The following TMEM132B variants were observed in gnomAD, a reference collection of about 807,000 sequenced individuals.
TMEM132B encodes transmembrane protein 132B.
TMEM132B carries 18 observed loss-of-function variants against 90.8 expected under a neutral mutation model. That is an observed-to-expected ratio of 0.20 (90% CI 0.14 to 0.29). The LOEUF (loss-of-function observed/expected upper bound fraction) is 0.29, where lower values mean the gene tolerates loss of function less well. TMEM132B is among the 10% of genes least tolerant of loss of function. The pLI is 1.00. For missense variants in TMEM132B, 1,096 were observed against 1,326.8 expected (o/e 0.83, Z 2.70); for synonymous variants, 504 against 523.3 (o/e 0.96, Z 0.50).
intron 8 of TMEM132B, among the ~76,000 whole-genome samples, chr12:125,653,302 A>T (rs1886975264): frequency 6.6e-6 from 1 of 152,236 alleles, no homozygotes; most frequent in Admixed American, 6.5e-5. Context: ...TCAAAGTCAA[A>T]TTCTATTGTA....
At position 125,657,394 on chromosome 12, in the gene TMEM132B, CTATT is replaced by C. The variant is rs1315296135; in HGVS notation, c.*2687_*2690del. The C allele has an allele frequency of 4.0e-5, 6 of 151,156 alleles. No homozygotes were observed. The highest frequency in any genetic ancestry group is 7.3e-5 in the African/African-American group (3 of 40,936). 9.4% of individuals were successfully genotyped at this position (151,156 alleles called of 1,614,324 possible). ...GAATACTGAAGAGCCAGACAACAAA[CTATT>C]TAGTAAGAATCAACAGTGACTGTCA... On this transcript the variant is annotated 3_prime_UTR_variant, in exon 9 of 9. Transcript: ENST00000682704.
At chr12:125,318,480 A>G (rs1876344270) in intron 1 of TMEM132B, among the ~76,000 whole-genome samples, 2 of 152,204 alleles carry the variant, frequency 1.3e-5, no homozygotes, top group Admixed American at 6.5e-5. Context: ...TATTAAGCCC[A>G]GAATGCATTA....
At chr12:125,385,722 C>T (rs1878810734) in intron 2 of TMEM132B, among the ~76,000 whole-genome samples, 1 of 152,118 alleles carries the variant, frequency 6.6e-6, no homozygotes, top group South Asian at 2.1e-4. Flanking sequence ...TAGTGAATGC[C>T]AGGGGCTTAA....
chr12:125,431,774 G>T lies in TMEM132B; in HGVS notation c.1106+16097G>T, dbSNP rs147907338. Among the ~76,000 whole-genome samples, 1,169 of 152,292 alleles carry T rather than the reference G, an allele frequency of 7.7e-3. 49 individuals are homozygous for T. Among genetic ancestry groups the T allele is most frequent in the Admixed American group, 0.058 (885 of 15,298 alleles). On this transcript the variant is annotated intron_variant, in intron 3 of 8. Transcript: ENST00000682704. ...TGAACAGACAGGGAGTCAGTGAATG[G>T]CGAGGTGGGACAAGTGGGTGGTTGG... is the stretch of plus-strand genomic sequence containing the variant.
At chr12:125,284,303 A>C (rs537447171) in intron 1 of TMEM132B, among the ~76,000 whole-genome samples, 1 of 152,318 alleles carries the variant, frequency 6.6e-6, no homozygotes, top group East Asian at 1.9e-4. Flanking sequence ...GAATCTTTGC[A>C]GAGATTTTTC....
At chr12:125,356,566 A>G (rs900151571) in intron 2 of TMEM132B, among the ~76,000 whole-genome samples, 5 of 152,214 alleles carry the variant, frequency 3.3e-5, no homozygotes, top group Non-Finnish European at 7.4e-5. Flanking sequence ...GACTCTATCT[A>G]CCTCCACTGC....
At chr12:125,296,722 C>G (rs914246964) in intron 1 of TMEM132B, among the ~76,000 whole-genome samples, 1 of 152,216 alleles carries the variant, frequency 6.6e-6, no homozygotes, top group Non-Finnish European at 1.5e-5. Flanking sequence ...AATGAATGCT[C>G]CAGTGAGCAT....
intron 5 of TMEM132B, among the ~76,000 whole-genome samples, chr12:125,593,843 G>A (rs1015743536): frequency 6.6e-6 from 1 of 152,154 alleles, no homozygotes; most frequent in Non-Finnish European, 1.5e-5. Flanking sequence ...AATGGATCTA[G>A]GTACAAAGGC....
chr12:125,629,854 G>A (rs1004794058), intron 5 of TMEM132B, among the ~76,000 whole-genome samples: 14 of 152,058 alleles, frequency 9.2e-5, no homozygotes, highest in South Asian at 2.1e-4. Flanking sequence ...ATGAAGAGAC[G>A]TTGAACTTTA....
intron 3 of TMEM132B, among the ~76,000 whole-genome samples, chr12:125,497,439 T>C (rs1008138099): frequency 6.6e-6 from 1 of 152,222 alleles, no homozygotes; most frequent in Non-Finnish European, 1.5e-5. Context: ...CCTGTCTACA[T>C]CATTTTATCC....
intron 4 of TMEM132B, among the ~76,000 whole-genome samples, chr12:125,545,979 G>A (rs1245563074): frequency 6.6e-6 from 1 of 152,124 alleles, no homozygotes; most frequent in Non-Finnish European, 1.5e-5. Context: ...GCTTTTGTAA[G>A]GCATAACTTA....
At chr12:125,558,443 A>G (rs1267502786) in intron 4 of TMEM132B, among the ~76,000 whole-genome samples, 1 of 152,172 alleles carries the variant, frequency 6.6e-6, no homozygotes, top group Non-Finnish European at 1.5e-5. Context: ...TCTTCGTTCA[A>G]TGTCTGGAGA....
chr12:125,392,842 A>G (rs930593998), intron 2 of TMEM132B, among the ~76,000 whole-genome samples: 5 of 152,182 alleles, frequency 3.3e-5, no homozygotes, highest in African/African-American at 4.8e-5. Context: ...ATATGTGTGA[A>G]AGTACTTGGC....
chr12:125,416,172 C>T (rs1281760473), intron 3 of TMEM132B, among the ~76,000 whole-genome samples: 2 of 152,202 alleles, frequency 1.3e-5, no homozygotes, highest in East Asian at 3.9e-4. Flanking sequence ...CAAGGCTGAA[C>T]TCACCTGGGA....
chr12:125,569,531 C>T (rs768033390), intron 4 of TMEM132B, among the ~76,000 whole-genome samples: 24 of 152,162 alleles, frequency 1.6e-4, no homozygotes, highest in Non-Finnish European at 2.4e-4. Flanking sequence ...CTACTTTTAT[C>T]AGTGTCCCAC....
rs962067810 is a variant in TMEM132B, at chr12:125,408,193, G to T, written c.960-7338G>T. On this transcript the variant is annotated intron_variant, in intron 2 of 8. Coordinates refer to ENST00000682704, the MANE Select transcript of TMEM132B (RefSeq NM_001366854.1). The surrounding 1 kb of genome is among the most constrained non-coding windows in gnomAD (Gnocchi z 5.9). ...TTGGAGGGTCGCTGTGTTGTTGTGT[G>T]GTGATAGGCTGCTTCCTCGTTACTG... is the stretch of plus-strand genomic sequence containing the variant. 2.6e-5 allele frequency among the ~76,000 whole-genome samples: 4 copies of T among 152,196 alleles called. No individual in the cohort carries two copies. The highest frequency in any genetic ancestry group is 6.5e-5 in the Admixed American group (1 of 15,284).
At chr12:125,366,521 T>C (rs1266729285) in intron 2 of TMEM132B, among the ~76,000 whole-genome samples, 2 of 152,214 alleles carry the variant, frequency 1.3e-5, no homozygotes, top group African/African-American at 4.8e-5. Context: ...TAATTTCTGA[T>C]AAGAAGTCAG....
chr12:125,593,262 T>C (rs1486413857), intron 5 of TMEM132B, among the ~76,000 whole-genome samples: 1 of 152,266 alleles, frequency 6.6e-6, no homozygotes, highest in East Asian at 1.9e-4. Flanking sequence ...TAGATATTGC[T>C]GCATTCTCAA....
At chr12:125,250,225 A>G (rs1874288988) in intron 1 of TMEM132B, among the ~76,000 whole-genome samples, 1 of 152,236 alleles carries the variant, frequency 6.6e-6, no homozygotes. Flanking sequence ...GGAAAATGTG[A>G]GTGCTGCAGA....
Sources: allele counts gnomAD v4.1 joint callset (sites outside exome capture counted in the v4.1 genomes callset), GRCh38; gene constraint gnomAD v4.1.1; non-coding constraint Gnocchi (gnomAD v3.1); transcripts MANE v1.5; gene names NCBI Gene and HGNC (gene_info 2026-07-23, HGNC 2026-07-21).